Variants in PTTG1IP observed in about 807,000 individuals in gnomAD.
PTTG1IP encodes PTTG1 interacting protein.
A neutral mutation model predicts 24.4 loss-of-function variants in PTTG1IP; 16 were observed. The ratio of observed to expected loss-of-function variants is 0.66; its 90% CI spans 0.44 to 1.00. PTTG1IP has a LOEUF of 1.00. Among genes scored for constraint, PTTG1IP ranks in the 50% least tolerant of loss-of-function variants. The probability of loss-of-function intolerance (pLI) is 0.00; values close to 1 mark genes in which losing one functional copy is unlikely to be tolerated. For synonymous variants in PTTG1IP, 89 were observed against 96.8 expected (o/e 0.92, Z 0.47); for missense variants, 241 against 245.8 (o/e 0.98, Z 0.13).
At chr21:44,852,007 T>C (rs1430350540) in intron 5 of PTTG1IP, among the ~76,000 whole-genome samples, 2 of 152,154 alleles carry the variant, frequency 1.3e-5, no homozygotes, top group African/African-American at 2.4e-5. Context: ...CCTTTGGAAT[T>C]AAGGCTACAG....
intron 2 of PTTG1IP, among the ~76,000 whole-genome samples, chr21:44,863,810 T>C (rs1449137851): frequency 2.0e-5 from 3 of 152,242 alleles, no homozygotes; most frequent in Non-Finnish European, 2.9e-5. Context: ...CTTTCAATTT[T>C]TAATCAGCAA....
chr21:44,872,583 T>G (rs1195895397), intron 1 of PTTG1IP, among the ~76,000 whole-genome samples: 1 of 152,048 alleles, frequency 6.6e-6, no homozygotes, highest in East Asian at 1.9e-4. Context: ...ACCATGACAC[T>G]CTCCAGCTTA....
intron 2 of PTTG1IP, among the ~76,000 whole-genome samples, chr21:44,864,043 C>T (rs1307272913): frequency 6.6e-6 from 1 of 152,218 alleles, no homozygotes; most frequent in Admixed American, 6.5e-5. Context: ...TCATCGAATA[C>T]ATCTTTCCCG....
At chr21:44,864,210 C>A (rs966238686) in intron 2 of PTTG1IP, among the ~76,000 whole-genome samples, 7 of 152,176 alleles carry the variant, frequency 4.6e-5, no homozygotes, top group African/African-American at 1.2e-4. Flanking sequence ...TCTGCCTAAC[C>A]ACTTCCCGCT....
chr21:44,855,128 G>A (rs2083438997), intron 5 of PTTG1IP, 82 bp downstream of exon 5: 3 of 1,425,318 alleles, frequency 2.1e-6, no homozygotes, highest in Non-Finnish European at 3.0e-6. Context: ...CCCCATCTCA[G>A]GCCACACTGG....
At chr21:44,868,111 G>A (rs1201611296) in intron 1 of PTTG1IP, among the ~76,000 whole-genome samples, 2 of 152,202 alleles carry the variant, frequency 1.3e-5, no homozygotes, top group Non-Finnish European at 2.9e-5. Context: ...CAGCCCCAGG[G>A]AGGCAAAGAA....
At chr21:44,862,467 C>T (rs998448993) in intron 2 of PTTG1IP, among the ~76,000 whole-genome samples, 5 of 152,128 alleles carry the variant, frequency 3.3e-5, no homozygotes, top group Admixed American at 6.5e-5. Context: ...TGCGGTGAGC[C>T]GAGATCGCAC....
chr21:44,872,804 C>G (rs1303428229), intron 1 of PTTG1IP: 1 of 152,342 alleles, frequency 6.6e-6, no homozygotes, highest in Admixed American at 6.5e-5. Context: ...TCGGTCACCA[C>G]TGTGGCCGCA....
chr21:44,869,836 A>T (rs568570041), intron 1 of PTTG1IP, among the ~76,000 whole-genome samples: 6 of 152,302 alleles, frequency 3.9e-5, no homozygotes, highest in African/African-American at 1.4e-4. Flanking sequence ...AAAGTCATCC[A>T]TGAGGAAGGG....
chr21:44,851,740 CG>C (rs2083412946), intron 5 of PTTG1IP, 113 bp from the exon 6 acceptor site: 2 of 1,349,520 alleles, frequency 1.5e-6, no homozygotes, highest in Non-Finnish European at 2.0e-6. Flanking sequence ...ATAGCAACAA[CG>C]GGCATTGTAA....
In PTTG1IP at chr21:44,858,149, G is replaced by C. The variant is rs541936826; in HGVS notation, c.278-1785C>G. ...GGATGTGGGAGAGGCCTGAAAGAGA[G>C]GCATCTTTGCCTCTGGACAAACGGC... On this transcript the variant is annotated intron_variant, in intron 3 of 5. Coordinates refer to ENST00000330938, the MANE Select transcript of PTTG1IP (RefSeq NM_004339.4). Among the ~76,000 whole-genome samples the C allele has an allele frequency of 2.1e-3, 326 of 152,344 alleles. 1 individual carries two copies. Among genetic ancestry groups the C allele is most frequent in the Non-Finnish European group, 2.2e-3 (150 of 68,024 alleles).
intron 2 of PTTG1IP, 114 bp downstream of exon 2, chr21:44,865,281 T>G: frequency 1.9e-5 from 20 of 1,079,006 alleles, no homozygotes; most frequent in Non-Finnish European, 2.8e-5. Context: ...TCCCCCCAAA[T>G]CCCAAACAAC....
intron 2 of PTTG1IP, among the ~76,000 whole-genome samples, chr21:44,862,906 A>C (rs1034312953): frequency 6.6e-6 from 1 of 152,144 alleles, no homozygotes; most frequent in African/African-American, 2.4e-5. Context: ...CAAGTGGCTC[A>C]AGTTGTAAAT....
At chr21:44,858,363 G>C (rs1485949418) in intron 3 of PTTG1IP, among the ~76,000 whole-genome samples, 4 of 152,200 alleles carry the variant, frequency 2.6e-5, no homozygotes, top group African/African-American at 7.2e-5. Flanking sequence ...GTGAAATCAG[G>C]AGGGCCCTGA....
chr21:44,861,712 AC>A (rs2083493633), intron 2 of PTTG1IP: 1 of 713,704 alleles, frequency 1.4e-6, no homozygotes, highest in Non-Finnish European at 2.6e-6. Context: ...AGCCGCCTCC[AC>A]CCCCTCCTCC....
chr21:44,855,265 C>A lies in PTTG1IP; in HGVS notation c.450-9G>T. The A allele has an allele frequency of 6.2e-7, 1 of 1,609,736 alleles. No individual in the cohort carries two copies. The highest frequency in any genetic ancestry group is 8.5e-7 in the Non-Finnish European group (1 of 1,176,068). The stretch of plus-strand genomic sequence containing the variant: ...TCTTCATCTCTGCTCTCCTAAAACA[C>A]AGAGGAACATTATGAGCACCAAACG... On this transcript the variant is annotated splice_polypyrimidine_tract_variant and intron_variant, in intron 4 of 5. Transcript: ENST00000330938.
chr21:44,850,738 G>GCTGCAGCGTC lies in PTTG1IP; in HGVS notation c.*833_*842dup. 6.6e-6 allele frequency: 1 copy of GCTGCAGCGTC among 152,454 alleles called. No homozygotes were observed. Among genetic ancestry groups the GCTGCAGCGTC allele is most frequent in the African/African-American group, 2.4e-5 (1 of 41,592 alleles). 9.4% of individuals were successfully genotyped at this position (152,454 alleles called of 1,614,324 possible). On this transcript the variant is annotated 3_prime_UTR_variant, in exon 6 of 6. Coordinates refer to ENST00000330938, the MANE Select transcript of PTTG1IP (RefSeq NM_004339.4). ...GAGGATGCCAACAGGGCTGGAGAGA[G>GCTGCAGCGTC]CTGCAGCGTCCTGCCCCGTCCTCCC...
rs777613732 is a variant in PTTG1IP at position 44,856,366 on chromosome 21, T to A, written c.278-2A>T. The A allele has an allele frequency of 6.2e-7, 1 of 1,608,762 alleles. No individual in the cohort carries two copies. The highest frequency in any genetic ancestry group is 8.5e-7 in the Non-Finnish European group (1 of 1,176,436). ...TGATGATCAGCGCCTCAAAGTTCACTGGAGATTCAAGCACCTGGAGTTAGG... is the reference window on the plus strand; with the variant it reads ...TGATGATCAGCGCCTCAAAGTTCACAGGAGATTCAAGCACCTGGAGTTAGG... On this transcript the variant is annotated splice_acceptor_variant, in intron 3 of 5. Transcript: ENST00000330938. LOFTEE classifies it high-confidence loss of function.
intron 1 of PTTG1IP, among the ~76,000 whole-genome samples, chr21:44,870,574 C>T (rs1392481021): frequency 1.3e-5 from 2 of 148,550 alleles, no homozygotes; most frequent in Non-Finnish European, 3.0e-5. Flanking sequence ...TTTGTTACTG[C>T]TTCAAAGACA....
Sources: gnomAD v4.1 joint callset for allele counts (sites outside exome capture counted in the v4.1 genomes callset) on GRCh38, gnomAD v4.1.1 for gene constraint, MANE v1.5 for transcripts, NCBI Gene and HGNC (gene_info 2026-07-23, HGNC 2026-07-21) for gene names.